Variants in ERICH5 observed in about 807,000 individuals in gnomAD.
The protein encoded by ERICH5 is glutamate rich 5, also known as glutamate-rich protein 5.
Under a neutral mutation model 28.0 loss-of-function variants are expected in ERICH5, and 24 were observed. The observed-to-expected ratio is 0.86, with a 90% CI of 0.62 to 1.21. The LOEUF (loss-of-function observed/expected upper bound fraction) is 1.21, where lower values mean the gene tolerates loss of function less well. ERICH5 is among the 50% of genes most tolerant of loss of function. The pLI is 0.00. For synonymous variants in ERICH5, 163 were observed against 157.6 expected, an observed-to-expected ratio of 1.03 and a Z score of -0.25; for missense variants, 421 against 441.2, an observed-to-expected ratio of 0.95 and a Z score of 0.41.
intron 1 of ERICH5, among the ~76,000 whole-genome samples, chr8:98,082,026 C>A (rs2130524665): frequency 6.6e-6 from 1 of 152,202 alleles, no homozygotes; most frequent in Non-Finnish European, 1.5e-5. Flanking sequence ...TCTCTTCTAT[C>A]ACATAGGGAA....
At chr8:98,080,709 C>A (rs1815167865) in intron 1 of ERICH5, among the ~76,000 whole-genome samples, 1 of 136,606 alleles carries the variant, frequency 7.3e-6, no homozygotes, top group Admixed American at 7.5e-5. Flanking sequence ...CGTCCCCCCT[C>A]CCCCTCCCTC....
chr8:98,092,619 A>G (rs1181274258), intron 2 of ERICH5, among the ~76,000 whole-genome samples: 1 of 151,994 alleles, frequency 6.6e-6, no homozygotes, highest in Non-Finnish European at 1.5e-5. Context: ...ACTTTCTATT[A>G]TAATCTGTTC....
At chr8:98,091,834 CTTT>C (rs67893989) in intron 2 of ERICH5, among the ~76,000 whole-genome samples, 1 of 134,670 alleles carries the variant, frequency 7.4e-6, no homozygotes, top group Non-Finnish European at 1.6e-5. Flanking sequence ...CTTTCTTTTT[CTTT>C]TTCTTTCTTT....
chr8:98,083,569 T>G (rs1314909090), intron 1 of ERICH5, among the ~76,000 whole-genome samples: 2 of 152,030 alleles, frequency 1.3e-5, no homozygotes, highest in African/African-American at 4.8e-5. Flanking sequence ...ACACCTAGTC[T>G]CTGAGGCAGG....
At chr8:98,075,758 GCTAA>G (rs1563754245) in intron 1 of ERICH5, among the ~76,000 whole-genome samples, 1 of 135,262 alleles carries the variant, frequency 7.4e-6, no homozygotes. Context: ...GTTGCTAACT[GCTAA>G]CTCCCATCTC....
Position 98,093,581 on chromosome 8 carries a change from A to G in ERICH5, c.*248A>G. 1 of 284,250 alleles carries G rather than the reference A, an allele frequency of 3.5e-6. No homozygotes were observed. Among genetic ancestry groups the G allele is most frequent in the Non-Finnish European group, 6.5e-6 (1 of 153,592 alleles). 17.6% of individuals were successfully genotyped at this position (284,250 alleles called of 1,614,324 possible). On this transcript the variant is annotated 3_prime_UTR_variant, in exon 3 of 3. Coordinates refer to ENST00000318528, the MANE Select transcript of ERICH5 (RefSeq NM_173549.3). ...TATACATTTAAAAGTATAAAAACCA[A>G]AGCCAATAAAAATGATGTGATTATT... is the stretch of plus-strand genomic sequence containing the variant.
At chr8:98,071,242 A>G (rs1814912962) in intron 1 of ERICH5, among the ~76,000 whole-genome samples, 1 of 152,064 alleles carries the variant, frequency 6.6e-6, no homozygotes, top group Non-Finnish European at 1.5e-5. Flanking sequence ...ACGCCATTGC[A>G]CTCCAGCTTG....
chr8:98,074,119 A>G (rs1314613038), intron 1 of ERICH5, among the ~76,000 whole-genome samples: 1 of 151,464 alleles, frequency 6.6e-6, no homozygotes, highest in Non-Finnish European at 1.5e-5. Flanking sequence ...CTCGTCCCTA[A>G]TTGCTGGACT....
chr8:98,087,892 G>C (rs1011110232), intron 1 of ERICH5, among the ~76,000 whole-genome samples: 3 of 151,756 alleles, frequency 2.0e-5, no homozygotes, highest in African/African-American at 7.3e-5. Context: ...GAACTTATTA[G>C]ACTTTTAAGT....
At position 98,093,419 on chromosome 8, in the gene ERICH5, C is replaced by A; in HGVS notation, c.*86C>A. The A allele has an allele frequency of 1.2e-6, 1 of 838,540 alleles. No homozygotes were observed. The highest frequency in any genetic ancestry group is 1.9e-6 in the Non-Finnish European group (1 of 527,968). 51.9% of individuals were successfully genotyped at this position (838,540 alleles called of 1,614,324 possible). A position where few individuals can be genotyped will look rare whatever the true frequency, so the allele number is the denominator to read the frequency against. On this transcript the variant is annotated 3_prime_UTR_variant, in exon 3 of 3. Coordinates refer to ENST00000318528, the MANE Select transcript of ERICH5 (RefSeq NM_173549.3). ...TGTGGTTATGTATCTTATCTTTCTA[C>A]ATTTACATGTTTTCTGTAAGGAGTG...
chr8:98,082,983 A>G (rs2130525749), intron 1 of ERICH5, among the ~76,000 whole-genome samples: 1 of 152,382 alleles, frequency 6.6e-6, no homozygotes, highest in South Asian at 2.1e-4. Context: ...CCATCTGTGG[A>G]GAAATCAATT....
chr8:98,066,628 A>G (rs891210335), intron 1 of ERICH5, among the ~76,000 whole-genome samples: 4 of 152,190 alleles, frequency 2.6e-5, no homozygotes, highest in African/African-American at 9.7e-5. Context: ...GTTATGGAAG[A>G]GATGTTAAAA....
chr8:98,073,255 A>G (rs1348204983), intron 1 of ERICH5, among the ~76,000 whole-genome samples: 2 of 150,996 alleles, frequency 1.3e-5, no homozygotes, highest in African/African-American at 4.9e-5. Context: ...TGAGGAATAA[A>G]TAAGTTAATA....
At chr8:98,064,977 G>C (rs1563751303) in intron 1 of ERICH5, among the ~76,000 whole-genome samples, 1 of 152,248 alleles carries the variant, frequency 6.6e-6, no homozygotes, top group African/African-American at 2.4e-5. Flanking sequence ...GGGGCCCGAG[G>C]CCGGGCGCTG....
At chr8:98,093,092 A>T in intron 2 of ERICH5, 129 bp from the exon 3 acceptor site, 1 of 589,990 alleles carries the variant, frequency 1.7e-6, no homozygotes, top group Non-Finnish European at 3.0e-6. Context: ...ACTTTTCTTG[A>T]TACCCCCAGA....
At chr8:98,091,880 C>CT (rs1382285276) in intron 2 of ERICH5, among the ~76,000 whole-genome samples, 2 of 94,370 alleles carry the variant, frequency 2.1e-5, no homozygotes, top group East Asian at 3.2e-4. Flanking sequence ...TTCTTTCTTT[C>CT]TTTCTTTCTT....
rs1340005967 is a variant in ERICH5 at position 98,064,652 on chromosome 8, G to A, written c.-18G>A. 2 of 1,523,444 alleles carry A rather than the reference G, an allele frequency of 1.3e-6. No individual in the cohort carries two copies. The highest frequency in any genetic ancestry group is 1.8e-6 in the Non-Finnish European group (2 of 1,133,538). 94.4% of individuals were successfully genotyped at this position (1,523,444 alleles called of 1,614,324 possible). On this transcript the variant is annotated 5_prime_UTR_variant, in exon 1 of 3. In the 5' UTR this introduces an upstream ATG that the reference lacks. Coordinates refer to ENST00000318528, the MANE Select transcript of ERICH5 (RefSeq NM_173549.3). ...CGACACCCGCGCAGGGCTGAGACAG[G>A]TGTCTGCGCTCCCCGCAATGGGCTG...
intron 2 of ERICH5, 133 bp downstream of exon 2, chr8:98,090,162 CA>C (rs34771689): frequency 1.6e-6 from 1 of 615,728 alleles, no homozygotes; most frequent in Non-Finnish European, 2.7e-6. Context: ...TTGACCAAAC[CA>C]AAAAGGCTTC....
chr8:98,073,480 A>AATTTTTTTTTTT (rs1563753467), intron 1 of ERICH5, among the ~76,000 whole-genome samples: 2 of 1,978 alleles, frequency 1.0e-3, no homozygotes, highest in Non-Finnish European at 1.8e-3. Context: ...ATATATATAT[A>AATTTTTTTTTTT]TATATGTATA....
Sources: allele counts gnomAD v4.1 joint callset (sites outside exome capture counted in the v4.1 genomes callset), GRCh38; gene constraint gnomAD v4.1.1; transcripts MANE v1.5; gene names NCBI Gene and HGNC (gene_info 2026-07-23, HGNC 2026-07-21).